SPAG17: variants seen among roughly 807,000 people sequenced by gnomAD.
SPAG17 encodes sperm associated antigen 17.
SPAG17 carries 169 observed loss-of-function variants against 273.6 expected under a neutral mutation model. The ratio of observed to expected loss-of-function variants is 0.62; its 90% CI spans 0.55 to 0.70. The LOEUF is 0.70. Among genes scored for constraint, SPAG17 ranks in the 30% least tolerant of loss-of-function variants. The pLI, the probability that SPAG17 is intolerant of heterozygous loss-of-function variation, is 0.00. For missense variants in SPAG17, 2,557 were observed against 2,627.8 expected (o/e 0.97, Z 0.59); for synonymous variants, 825 against 873.2 (o/e 0.94, Z 0.97).
intron 32 of SPAG17, among the ~76,000 whole-genome samples, chr1:117,998,116 A>G (rs1211135195): frequency 6.6e-6 from 1 of 152,152 alleles, no homozygotes; most frequent in Non-Finnish European, 1.5e-5. Context: ...TGTCTTTGCC[A>G]TGAAATCTTT....
intron 48 of SPAG17, chr1:117,961,286 AAATAAT>A (rs1207682523): frequency 2.0e-5 from 3 of 152,212 alleles, no homozygotes; most frequent in African/African-American, 7.2e-5. Context: ...TCCATCTCCA[AAATAAT>A]AATAGTAAAA....
At position 117,987,835 on chromosome 1, in the gene SPAG17, T is replaced by C; in HGVS notation, c.5668A>G (p.Arg1890Gly). 1 of 1,612,536 alleles carries C rather than the reference T, an allele frequency of 6.2e-7. No individual in the cohort carries two copies. The highest frequency in any genetic ancestry group is 8.5e-7 in the Non-Finnish European group (1 of 1,178,788). The stretch of plus-strand genomic sequence containing the variant: ...ATGTGCGTTTTGGGGTATAATTACC[T>C]CGTTTTGTCTATCTTTTCTTTCCAG... ...KRWKEKIDKT[R>G]KEIETTQNYL... Residue 1890 changes from arginine (R) to glycine (G), a missense_variant and splice_region_variant, in exon 40 of 49, where the codon AGG becomes GGG. Transcript: ENST00000336338.
intron 20 of SPAG17, among the ~76,000 whole-genome samples, chr1:118,043,724 T>C (rs1650032338): frequency 1.3e-5 from 2 of 152,180 alleles, no homozygotes; most frequent in African/African-American, 4.8e-5. Context: ...TTTAAGGAAG[T>C]GATGGAGATC....
chr1:117,995,532 G>A (rs1657554299), intron 34 of SPAG17, among the ~76,000 whole-genome samples: 1 of 151,944 alleles, frequency 6.6e-6, no homozygotes, highest in Non-Finnish European at 1.5e-5. Flanking sequence ...ACACTGACTG[G>A]GGGTCAGTCA....
In SPAG17 at chr1:118,077,562, G is replaced by T. The variant is rs945929366; in HGVS notation, c.2210-2962C>A. ...AGAAAAAAAAATGAAACAAAACAAA[G>T]AAAACACCTTGGGCCTTACACCTCT... is the stretch of plus-strand genomic sequence containing the variant. On this transcript the variant is annotated intron_variant, in intron 15 of 48. Coordinates refer to ENST00000336338, the MANE Select transcript of SPAG17 (RefSeq NM_206996.4). Among the ~76,000 whole-genome samples, 11 of 151,896 alleles carry T rather than the reference G, an allele frequency of 7.2e-5. 1 individual carries two copies. Among genetic ancestry groups the T allele is most frequent in the African/African-American group, 2.4e-4 (10 of 41,344 alleles).
intron 24 of SPAG17, among the ~76,000 whole-genome samples, chr1:118,036,319 C>T (rs17037856): frequency 0.063 from 9,622 of 152,150 alleles, 513 homozygotes; most frequent in East Asian, 0.31. Context: ...CTGAACCGTT[C>T]TATAATAACA....
intron 15 of SPAG17, among the ~76,000 whole-genome samples, chr1:118,078,643 G>T (rs939783947): frequency 6.6e-6 from 1 of 151,990 alleles, no homozygotes; most frequent in Non-Finnish European, 1.5e-5. Flanking sequence ...GTTTATAGTG[G>T]ATATTCTCCT....
rs751001413 is a variant in SPAG17, at chr1:118,031,800, A to G, written c.3501T>C (p.Pro1167=). ...IPSALTPTVV[P]VIVTVPQSKA... is the part of the protein sequence containing the mutation. ...TGCTTTGAGGAACGGTCACTATAAC[A>G]GGAACCACTGTTGGAGTGAGTGCTG... The change falls in exon 25 of 49, where the codon CCT becomes CCC. Residue 1167 remains proline (P), a synonymous_variant. Transcript: ENST00000336338. The G allele has an allele frequency of 3.7e-6, 6 of 1,613,698 alleles. No individual in the cohort carries two copies. Among genetic ancestry groups the G allele is most frequent in the South Asian group, 1.1e-5 (1 of 91,054 alleles).
chr1:118,028,826 G>A (rs1026426226), intron 25 of SPAG17, among the ~76,000 whole-genome samples: 2 of 152,136 alleles, frequency 1.3e-5, no homozygotes, highest in Non-Finnish European at 2.9e-5. Context: ...AGGTGGGGCA[G>A]TTTAGAAAGT....
At chr1:118,119,540 T>C (rs1433384122) in intron 3 of SPAG17, among the ~76,000 whole-genome samples, 3 of 152,198 alleles carry the variant, frequency 2.0e-5, no homozygotes, top group Non-Finnish European at 2.9e-5. Context: ...CCATGGTGTT[T>C]ATTGCAGTAA....
chr1:118,011,668 T>C (rs1055291543), intron 30 of SPAG17, among the ~76,000 whole-genome samples: 1 of 152,102 alleles, frequency 6.6e-6, no homozygotes, highest in Non-Finnish European at 1.5e-5. Context: ...CCCTGTTACA[T>C]GAATTTGGCT....
intron 1 of SPAG17, among the ~76,000 whole-genome samples, chr1:118,183,876 T>C (rs1441796030): frequency 1.3e-5 from 2 of 152,120 alleles, no homozygotes; most frequent in Non-Finnish European, 2.9e-5. Context: ...AAAGAGAGGG[T>C]GCTTTTACAA....
intron 3 of SPAG17, among the ~76,000 whole-genome samples, chr1:118,125,591 C>T (rs142228358): frequency 1.3e-3 from 204 of 152,292 alleles, no homozygotes; most frequent in African/African-American, 4.7e-3. Flanking sequence ...TATAAGCTCA[C>T]TTTTAGCTCC....
chr1:117,962,326 A>C (rs1653209443), intron 48 of SPAG17: 1 of 152,218 alleles, frequency 6.6e-6, no homozygotes, highest in African/African-American at 2.4e-5. Flanking sequence ...TAAGCCAGGC[A>C]AATTTCTAGT....
chr1:118,111,264 TG>T (rs1656737890), intron 4 of SPAG17, among the ~76,000 whole-genome samples: 1 of 152,148 alleles, frequency 6.6e-6, no homozygotes, highest in Admixed American at 6.6e-5. Context: ...ATAAGCCATC[TG>T]GGGGGGTCAT....
At chr1:117,988,010 G>A in intron 39 of SPAG17, 95 bp downstream of exon 39, 2 of 1,407,748 alleles carry the variant, frequency 1.4e-6, no homozygotes. Flanking sequence ...TGAATTCATT[G>A]ATGTAGTCAC....
At chr1:118,170,710 G>C (rs1427940248) in intron 1 of SPAG17, among the ~76,000 whole-genome samples, 2 of 152,198 alleles carry the variant, frequency 1.3e-5, no homozygotes, top group African/African-American at 4.8e-5. Flanking sequence ...AGGTTACCCT[G>C]TTACATGGCT....
At chr1:118,174,459 T>C (rs529223500) in intron 1 of SPAG17, among the ~76,000 whole-genome samples, 2 of 151,992 alleles carry the variant, frequency 1.3e-5, no homozygotes, top group East Asian at 3.9e-4. Context: ...TGAAGAAAAG[T>C]ATATAGAGCA....
At chr1:118,092,099 G>A (rs1040011998) in intron 8 of SPAG17, 97 bp from the exon 9 acceptor site, 1 of 1,017,428 alleles carries the variant, frequency 9.8e-7, no homozygotes, top group African/African-American at 1.6e-5. Flanking sequence ...GGATACTCAG[G>A]TTGTATAATT....
Sources: allele counts gnomAD v4.1 joint callset (sites outside exome capture counted in the v4.1 genomes callset), GRCh38; gene constraint gnomAD v4.1.1; transcripts MANE v1.5; gene names NCBI Gene and HGNC (gene_info 2026-07-23, HGNC 2026-07-21).